ACP6: variants seen among roughly 807,000 people sequenced by gnomAD.
ACP6 encodes the protein lysophosphatidic acid phosphatase type 6.
In ACP6, 48 loss-of-function variants were observed where a neutral mutation model predicts 48.1. The ratio of observed to expected loss-of-function variants is 1.00; its 90% confidence interval spans 0.79 to 1.27. ACP6 has a LOEUF of 1.27. ACP6 is among the 50% of genes most tolerant of loss of function. The pLI is 0.00. For synonymous variants in ACP6, 172 were observed against 204.2 expected (o/e 0.84, Z 1.34); for missense variants, 485 against 529.1 (o/e 0.92, Z 0.82).
chr1:147,661,661 G>A (rs376638137), intron 1 of ACP6, among the ~76,000 whole-genome samples: 17 of 152,290 alleles, frequency 1.1e-4, no homozygotes, highest in African/African-American at 3.6e-4. Context: ...TAGTAAGGAA[G>A]GCATGTAGAA....
At position 147,654,186 on chromosome 1, in the gene ACP6, G is replaced by C. The variant is rs368780422; in HGVS notation, c.780+8C>G. 14 of 1,613,642 alleles carry C rather than the reference G, an allele frequency of 8.7e-6. No homozygotes were observed. The African/African-American group carries it at 1.9e-4, about 22-fold the overall frequency. ...TATTATCCCAGGCTCCCCAACCCCAGGACTCACCTGCTCGGCAGCCACGTT... is the reference window on the plus strand; with the variant it reads ...TATTATCCCAGGCTCCCCAACCCCACGACTCACCTGCTCGGCAGCCACGTT... On this transcript the variant is annotated splice_region_variant and intron_variant, in intron 6 of 9. Transcript: ENST00000583509.
intron 1 of ACP6, among the ~76,000 whole-genome samples, chr1:147,660,827 T>A (rs1173540306): frequency 1.3e-5 from 2 of 152,250 alleles, no homozygotes; most frequent in African/African-American, 4.8e-5. Flanking sequence ...TTCATATATA[T>A]TTACATTTGA....
chr1:147,648,426 A>G lies in ACP6; in HGVS notation c.978-15T>C, dbSNP rs1339210167. 6.2e-7 allele frequency: 1 copy of G among 1,613,710 alleles called. No homozygotes were observed. The highest frequency in any genetic ancestry group is 8.5e-7 in the Non-Finnish European group (1 of 1,179,790). On this transcript the variant is annotated splice_polypyrimidine_tract_variant and intron_variant, in intron 8 of 9. Coordinates refer to ENST00000583509, the MANE Select transcript of ACP6 (RefSeq NM_016361.5). ...GATACAGCTTTCTGCAAGAGGAAAC[A>G]GCTCTCCACAATTCTCTGCCTCAGG...
intron 4 of ACP6, among the ~76,000 whole-genome samples, chr1:147,656,294 G>A (rs1660254042): frequency 6.6e-6 from 1 of 152,118 alleles, no homozygotes; most frequent in African/African-American, 2.4e-5. Flanking sequence ...AATCAAAGGG[G>A]TAGGACTATA....
intron 1 of ACP6, among the ~76,000 whole-genome samples, chr1:147,662,424 G>T (rs1391053041): frequency 6.6e-6 from 1 of 152,148 alleles, no homozygotes; most frequent in African/African-American, 2.4e-5. Context: ...ATGTCATTAA[G>T]AACATTTATA....
In ACP6 at chr1:147,654,129, C is replaced by T. The variant is rs1482813431; in HGVS notation, c.780+65G>A. ...AGGCCTCCACCCACTTCTCTCCACC[C>T]GGTTCTAACTCCGGAGCCAGCCCAC... On this transcript the variant is annotated intron_variant, in intron 6 of 9. Coordinates refer to ENST00000583509, the MANE Select transcript of ACP6 (RefSeq NM_016361.5). The T allele has an allele frequency of 2.2e-5, 35 of 1,582,714 alleles. No individual in the cohort carries two copies. The South Asian group carries it at 2.6e-4, about 12-fold the overall frequency.
chr1:147,647,823 C>T (rs1288357331), intron 9 of ACP6: 1 of 568,028 alleles, frequency 1.8e-6, no homozygotes, highest in Non-Finnish European at 3.1e-6. Flanking sequence ...AACCAACAGG[C>T]TCATCCCTGG....
chr1:147,666,479 T>C (rs1660803320), intron 1 of ACP6, among the ~76,000 whole-genome samples: 1 of 152,134 alleles, frequency 6.6e-6, no homozygotes, highest in African/African-American at 2.4e-5. Context: ...CTCCCAGGTG[T>C]AGATTTTAAA....
chr1:147,655,512 T>C (rs1277301283), intron 4 of ACP6, among the ~76,000 whole-genome samples: 2 of 152,160 alleles, frequency 1.3e-5, no homozygotes, highest in African/African-American at 2.4e-5. Context: ...GGGCCACAAA[T>C]AGACTAGAGC....
At chr1:147,653,137 GT>G (rs782306664) in intron 6 of ACP6, among the ~76,000 whole-genome samples, 65 of 148,908 alleles carry the variant, frequency 4.4e-4, no homozygotes, top group Non-Finnish European at 4.8e-4. Flanking sequence ...TGTTTTACTG[GT>G]TTTTTTTTTT....
intron 1 of ACP6, among the ~76,000 whole-genome samples, chr1:147,665,759 C>T (rs1553213549): frequency 6.6e-6 from 1 of 152,142 alleles, no homozygotes; most frequent in African/African-American, 2.4e-5. Flanking sequence ...CTTGGCGTCT[C>T]CTAGGAGTCT....
intron 1 of ACP6, among the ~76,000 whole-genome samples, chr1:147,667,787 C>T (rs1032205402): frequency 4.6e-5 from 7 of 152,002 alleles, no homozygotes; most frequent in Non-Finnish European, 8.8e-5. Context: ...ATCAAGATAT[C>T]GAGACCATCC....
intron 1 of ACP6, among the ~76,000 whole-genome samples, chr1:147,669,451 C>G (rs1393259522): frequency 6.6e-6 from 1 of 152,232 alleles, no homozygotes; most frequent in Non-Finnish European, 1.5e-5. Context: ...AATGGTCACA[C>G]AGAAGTGCAC....
At position 147,669,831 on chromosome 1, in the gene ACP6, T is replaced by C; in HGVS notation, c.218A>G (p.Gln73Arg). The change falls in exon 1 of 10, where the codon CAG becomes CGG. Residue 73 changes from glutamine to arginine, a missense_variant and splice_region_variant. By Grantham distance (43) the Gln-to-Arg change is conservative. Coordinates refer to ENST00000583509, the MANE Select transcript of ACP6 (RefSeq NM_016361.5). ...CCCCAGCCCGGGCCGACCTCTCACCTGCTCCTCCAGCGGGAGCGGCTTGAG... is the reference window on the plus strand; with the variant it reads ...CCCCAGCCCGGGCCGACCTCTCACCCGCTCCTCCAGCGGGAGCGGCTTGAG... ...SPLKPLPLEE[Q>R]VEWNPQLLEV... 6.3e-7 allele frequency: 1 copy of C among 1,583,624 alleles called. No homozygotes were observed. Among genetic ancestry groups the C allele is most frequent in the South Asian group, 1.1e-5 (1 of 88,144 alleles).
Position 147,650,250 on chromosome 1 carries a change from G to A in ACP6, c.882-12C>T. The A allele has an allele frequency of 6.3e-7, 1 of 1,587,552 alleles. No individual in the cohort carries two copies. The highest frequency in any genetic ancestry group is 8.6e-7 in the Non-Finnish European group (1 of 1,167,370). ...TCTGAAGACTTTCCCTGTGAAAAGT[G>A]AACAACATTTAAGCACCTAGAGGGC... On this transcript the variant is annotated splice_polypyrimidine_tract_variant and intron_variant, in intron 7 of 9. Transcript: ENST00000583509.
At chr1:147,662,892 T>C (rs1660617334) in intron 1 of ACP6, among the ~76,000 whole-genome samples, 1 of 152,192 alleles carries the variant, frequency 6.6e-6, no homozygotes, top group South Asian at 2.1e-4. Flanking sequence ...TGTTGTCTTA[T>C]TTTTAGAAAT....
At chr1:147,660,743 T>G (rs1394144641) in intron 1 of ACP6, among the ~76,000 whole-genome samples, 5 of 152,238 alleles carry the variant, frequency 3.3e-5, no homozygotes, top group Non-Finnish European at 7.4e-5. Context: ...TTTATTGCAT[T>G]TAAATATTTT....
In ACP6 at chr1:147,646,628, T is replaced by C. The variant is rs781793149; in HGVS notation, c.*795A>G. On this transcript the variant is annotated 3_prime_UTR_variant, in exon 10 of 10. Transcript: ENST00000583509. ...GGCACAGTTAAAGGTGGAGCTCTTA[T>C]GTTGAGTAGTTCCAGCCTTACCATT... 6.6e-6 allele frequency: 1 copy of C among 152,222 alleles called. No individual in the cohort carries two copies. Among genetic ancestry groups the C allele is most frequent in the Non-Finnish European group, 1.5e-5 (1 of 68,098 alleles). 9.4% of individuals were successfully genotyped at this position (152,222 alleles called of 1,614,324 possible). A position where few individuals can be genotyped will look rare whatever the true frequency, so the allele number is the denominator to read the frequency against.
At chr1:147,651,871 G>A (rs587696324) in intron 7 of ACP6, 1 of 152,214 alleles carries the variant, frequency 6.6e-6, no homozygotes, top group African/African-American at 2.4e-5. Flanking sequence ...CTGAAATTTG[G>A]TGAGAGAAAA....
Sources: allele counts gnomAD v4.1 joint callset (sites outside exome capture counted in the v4.1 genomes callset), GRCh38; gene constraint gnomAD v4.1.1; transcripts MANE v1.5; gene names NCBI Gene and HGNC (gene_info 2026-07-23, HGNC 2026-07-21).